CNTNAP5: variants seen among roughly 807,000 people sequenced by gnomAD.
CNTNAP5 encodes contactin-associated protein-like 5.
CNTNAP5 carries 72 observed loss-of-function variants against 150.2 expected under a neutral mutation model. The ratio of observed to expected loss-of-function variants is 0.48; its 90% CI spans 0.40 to 0.58. The LOEUF (loss-of-function observed/expected upper bound fraction) is 0.58, where lower values mean the gene tolerates loss of function less well. Among genes scored for constraint, CNTNAP5 ranks in the 20% least tolerant of loss-of-function variants. The pLI is 0.00. For synonymous variants in CNTNAP5, 672 were observed against 619.8 expected, an observed-to-expected ratio of 1.08 and a Z score of -1.25; for missense variants, 1,636 against 1,626.2, an observed-to-expected ratio of 1.01 and a Z score of -0.10.
intron 18 of CNTNAP5, 32 bp downstream of exon 18, chr2:124,790,173 C>A (rs1681694766): frequency 1.3e-6 from 2 of 1,575,102 alleles, no homozygotes; most frequent in African/African-American, 1.3e-5. Flanking sequence ...CTCCTGAGTG[C>A]AGTGCTGTAT....
At chr2:124,570,385 G>A (rs17320299) in intron 11 of CNTNAP5, among the ~76,000 whole-genome samples, 19,712 of 152,072 alleles carry the variant, frequency 0.13, 1,530 homozygotes, top group East Asian at 0.26. Context: ...AAAGTGACAC[G>A]AATGTCAAAC....
intron 7 of CNTNAP5, among the ~76,000 whole-genome samples, chr2:124,501,583 A>C (rs1244425682): frequency 6.6e-6 from 1 of 152,238 alleles, no homozygotes; most frequent in African/African-American, 2.4e-5. Context: ...TTCTGGAGAC[A>C]CAAATGGCAC....
chr2:124,392,858 A>G (rs1160510379), intron 3 of CNTNAP5, among the ~76,000 whole-genome samples: 1 of 152,140 alleles, frequency 6.6e-6, no homozygotes, highest in African/African-American at 2.4e-5. Flanking sequence ...AAGGAATTAT[A>G]AAGAAGCACC....
chr2:124,346,174 G>A (rs1222307022), intron 3 of CNTNAP5, among the ~76,000 whole-genome samples: 2 of 152,180 alleles, frequency 1.3e-5, no homozygotes, highest in African/African-American at 4.8e-5. Flanking sequence ...ATTCCAAGAC[G>A]TTTTCTGGGC....
intron 12 of CNTNAP5, among the ~76,000 whole-genome samples, chr2:124,614,769 T>C (rs1677458820): frequency 6.6e-6 from 1 of 152,298 alleles, no homozygotes; most frequent in South Asian, 2.1e-4. Flanking sequence ...CAGCAAGGTC[T>C]TTGTGACCAG....
chr2:124,029,634 T>A (rs1380055637), intron 1 of CNTNAP5, among the ~76,000 whole-genome samples: 1 of 152,112 alleles, frequency 6.6e-6, no homozygotes, highest in Admixed American at 6.5e-5. Context: ...ATGACTATCC[T>A]CTAAATTGCA....
chr2:124,216,723 C>G (rs1405834405), intron 1 of CNTNAP5, among the ~76,000 whole-genome samples: 19 of 152,132 alleles, frequency 1.2e-4, no homozygotes, highest in Admixed American at 1.2e-3. Flanking sequence ...ATGAACTCAT[C>G]ATTTTTTATG....
rs138250780 is a variant in CNTNAP5, at chr2:124,803,484, T to C, written c.3217+5164T>C. Among the ~76,000 whole-genome samples, 595 of 152,338 alleles carry C rather than the reference T, an allele frequency of 3.9e-3. 6 individuals carry two copies. The highest frequency in any genetic ancestry group is 3.7e-3 in the Non-Finnish European group (255 of 68,034). On this transcript the variant is annotated intron_variant, in intron 19 of 23. Transcript: ENST00000682447. ...GCAAAGTCAAATTTAGAATATGCAC[T>C]AACTCTAGGGCTATCCATCTATGGT... is the stretch of plus-strand genomic sequence containing the variant.
intron 1 of CNTNAP5, among the ~76,000 whole-genome samples, chr2:124,176,580 G>C (rs773688962): frequency 7.9e-5 from 12 of 152,178 alleles, no homozygotes; most frequent in Admixed American, 1.3e-4. Flanking sequence ...GTGAAGAGCT[G>C]AAAATACAAG....
In CNTNAP5 at chr2:124,236,326, T is replaced by G. The variant is rs35553672; in HGVS notation, c.188-5874T>G. ...TGTGGAACTGGAAGTGCAGGAGGCG[T>G]GGCCTGGACCAGGCTGCAACACCTT... On this transcript the variant is annotated intron_variant, in intron 2 of 23. Coordinates refer to ENST00000682447, the MANE Select transcript of CNTNAP5 (RefSeq NM_001367498.1). 6.4e-3 allele frequency among the ~76,000 whole-genome samples: 982 copies of G among 152,260 alleles called. 3 individuals are homozygous for G. Among genetic ancestry groups the G allele is most frequent in the Non-Finnish European group, 9.6e-3 (652 of 68,014 alleles).
At chr2:124,153,862 C>G (rs1327900492) in intron 1 of CNTNAP5, among the ~76,000 whole-genome samples, 1 of 151,942 alleles carries the variant, frequency 6.6e-6, no homozygotes, top group African/African-American at 2.4e-5. Flanking sequence ...ATCCACCCGC[C>G]TCGGCCTCCA....
At chr2:124,113,871 A>AT (rs923281831) in intron 1 of CNTNAP5, among the ~76,000 whole-genome samples, 16 of 151,742 alleles carry the variant, frequency 1.1e-4, no homozygotes, top group Admixed American at 1.1e-3. Flanking sequence ...TGAAAAGATC[A>AT]TTTTTTCACT....
At chr2:124,026,690 C>T (rs925403055) in intron 1 of CNTNAP5, among the ~76,000 whole-genome samples, 2 of 152,302 alleles carry the variant, frequency 1.3e-5, no homozygotes, top group East Asian at 1.9e-4. Flanking sequence ...TATCAAGGTC[C>T]CTCAAGTTTC....
intron 3 of CNTNAP5, among the ~76,000 whole-genome samples, chr2:124,380,903 G>A (rs540909780): frequency 3.3e-5 from 5 of 152,092 alleles, no homozygotes; most frequent in Admixed American, 2.6e-4. Context: ...TATGTGTCAC[G>A]CAAAAAAGTA....
intron 18 of CNTNAP5, among the ~76,000 whole-genome samples, chr2:124,796,811 C>T (rs1056317711): frequency 3.3e-5 from 5 of 152,154 alleles, no homozygotes; most frequent in Non-Finnish European, 7.3e-5. Flanking sequence ...TTTATGTTTA[C>T]TGTGCAGTTT....
intron 1 of CNTNAP5, among the ~76,000 whole-genome samples, chr2:124,154,596 G>T (rs1372764258): frequency 6.6e-6 from 1 of 152,170 alleles, no homozygotes; most frequent in African/African-American, 2.4e-5. Flanking sequence ...CCACTGGAAA[G>T]AGAAACTTTT....
chr2:124,588,203 T>G (rs1307727817), intron 11 of CNTNAP5, among the ~76,000 whole-genome samples: 1 of 147,126 alleles, frequency 6.8e-6, no homozygotes, highest in African/African-American at 2.5e-5. Flanking sequence ...TTTCTTTCTT[T>G]CTTTCTTTCT....
In CNTNAP5 at chr2:124,196,564, T is replaced by C. The variant is rs370742884; in HGVS notation, c.83-25141T>C. Among the ~76,000 whole-genome samples the C allele has an allele frequency of 6.6e-5, 10 of 152,318 alleles. No homozygotes were observed. The East Asian group carries it at 1.7e-3, about 26-fold the overall frequency. On this transcript the variant is annotated intron_variant, in intron 1 of 23. Transcript: ENST00000682447. Reference sequence around the variant, plus strand: ...TCCCATACTCCTTAACAGAGAGATGTCTGTTGCTACAAAAGTATAACGTAT... The same window carrying C: ...TCCCATACTCCTTAACAGAGAGATGCCTGTTGCTACAAAAGTATAACGTAT...
rs533013016 is a variant in CNTNAP5 at position 124,803,940 on chromosome 2, A to G, written c.3217+5620A>G. On this transcript the variant is annotated intron_variant, in intron 19 of 23. Coordinates refer to ENST00000682447, the MANE Select transcript of CNTNAP5 (RefSeq NM_001367498.1). Reference sequence around the variant, plus strand: ...AGCATATGCTTGATTTCCTCAGAGCAGCAAGAATCCTGATAAACAGAAGGG... The same window carrying G: ...AGCATATGCTTGATTTCCTCAGAGCGGCAAGAATCCTGATAAACAGAAGGG... 2.6e-5 allele frequency among the ~76,000 whole-genome samples: 4 copies of G among 152,316 alleles called. No individual in the cohort carries two copies. In the South Asian group the frequency reaches 6.2e-4, roughly 24 times the overall value.
Sources: gnomAD v4.1 joint callset for allele counts (sites outside exome capture counted in the v4.1 genomes callset) on GRCh38, gnomAD v4.1.1 for gene constraint, MANE v1.5 for transcripts, NCBI Gene and HGNC (gene_info 2026-07-23, HGNC 2026-07-21) for gene names.